Variants in BRD8 observed in about 807,000 individuals in gnomAD.
The protein encoded by BRD8 is bromodomain containing 8.
A neutral mutation model predicts 143.1 loss-of-function variants in BRD8; 67 were observed. The observed-to-expected ratio is 0.47, with a 90% CI of 0.38 to 0.57. The LOEUF is 0.57. Ranked by LOEUF, BRD8 falls within the 20% of genes least tolerant of loss-of-function variation. BRD8 has a pLI of 0.00. For missense variants in BRD8, 1,103 were observed against 1,503.0 expected, an observed-to-expected ratio of 0.73 and a Z score of 4.40; for synonymous variants, 505 against 517.1, an observed-to-expected ratio of 0.98 and a Z score of 0.32.
chr5:138,155,037 G>C (rs1300254801), intron 20 of BRD8, among the ~76,000 whole-genome samples: 2 of 151,876 alleles, frequency 1.3e-5, no homozygotes, highest in Non-Finnish European at 2.9e-5. Flanking sequence ...CACCATGTTG[G>C]CCAGGATGGT....
At chr5:138,150,390 G>A (rs1752332850) in intron 22 of BRD8, among the ~76,000 whole-genome samples, 2 of 152,202 alleles carry the variant, frequency 1.3e-5, no homozygotes, top group Non-Finnish European at 2.9e-5. Flanking sequence ...TTACAGGCAT[G>A]AGCCATTGCA....
At chr5:138,160,310 G>A (rs1167732288) in intron 18 of BRD8, 137 bp from the exon 19 acceptor site, 2 of 635,448 alleles carry the variant, frequency 3.1e-6, no homozygotes, top group Non-Finnish European at 5.5e-6. Flanking sequence ...TGGAAGTTTA[G>A]CATATTAAGT....
chr5:138,168,697 C>T, intron 8 of BRD8: 1 of 1,407,272 alleles, frequency 7.1e-7, no homozygotes, highest in Non-Finnish European at 1.0e-6. Flanking sequence ...ACCTAAGAGA[C>T]AACAGAGAAC....
intron 14 of BRD8, 32 bp from the exon 15 acceptor site, chr5:138,163,376 C>T (rs763528874): frequency 5.6e-6 from 9 of 1,604,126 alleles, no homozygotes; most frequent in African/African-American, 1.3e-5. Context: ...TTAACAAATG[C>T]AAGCAAAGCT....
At chr5:138,175,166 G>A (rs990274042) in intron 2 of BRD8, among the ~76,000 whole-genome samples, 4 of 152,188 alleles carry the variant, frequency 2.6e-5, no homozygotes, top group Admixed American at 6.5e-5. Flanking sequence ...TTACAGGCGT[G>A]AGCCACTGCG....
intron 25 of BRD8, among the ~76,000 whole-genome samples, chr5:138,144,251 C>T (rs1441655696): frequency 6.6e-6 from 1 of 152,158 alleles, no homozygotes; most frequent in East Asian, 1.9e-4. Context: ...CTGTAACACT[C>T]GCTGTGAAGG....
In BRD8 at chr5:138,140,170, A is replaced by C; in HGVS notation, c.3616-4T>G. ...TGTCTAACCAGATATTCAGTACCTA[A>C]AGGGTTAAGGAACACATAGCAAGCT... On this transcript the variant is annotated splice_region_variant and splice_polypyrimidine_tract_variant and intron_variant, in intron 26 of 26. Coordinates refer to ENST00000254900, the MANE Select transcript of BRD8 (RefSeq NM_139199.2). 1 of 1,600,968 alleles carries C rather than the reference A, an allele frequency of 6.2e-7. No homozygotes were observed. The highest frequency in any genetic ancestry group is 1.1e-5 in the South Asian group (1 of 90,736).
At chr5:138,175,868 C>G (rs942106521) in intron 2 of BRD8, among the ~76,000 whole-genome samples, 1 of 135,236 alleles carries the variant, frequency 7.4e-6, no homozygotes, top group Admixed American at 8.0e-5. Context: ...GAACCACGAT[C>G]GCACTACTGC....
intron 2 of BRD8, 63 bp downstream of exon 2, chr5:138,177,508 C>A: frequency 1.1e-6 from 1 of 937,742 alleles, no homozygotes. Flanking sequence ...AGAAATCTAC[C>A]GATGTGAAAG....
chr5:138,153,327 GT>G (rs5871666), intron 20 of BRD8, among the ~76,000 whole-genome samples: 1 of 151,942 alleles, frequency 6.6e-6, no homozygotes, highest in Non-Finnish European at 1.5e-5. Context: ...CACTATCTTG[GT>G]TTTTTTATAT....
intron 23 of BRD8, among the ~76,000 whole-genome samples, chr5:138,146,608 T>G (rs1752159528): frequency 6.6e-6 from 1 of 152,162 alleles, no homozygotes; most frequent in South Asian, 2.1e-4. Context: ...ATTTCATATT[T>G]AATCTAAATT....
rs567725388 is a variant in BRD8, at chr5:138,164,730, G to A, written c.1715C>T (p.Thr572Ile). The A allele has an allele frequency of 6.8e-6, 11 of 1,614,144 alleles. No individual in the cohort carries two copies. Among genetic ancestry groups the A allele is most frequent in the Admixed American group, 5.0e-5 (3 of 60,020 alleles). Reference protein sequence around the residue: ...AIGKGDETPLTNVKTEASPES... With the variant: ...AIGKGDETPLINVKTEASPES... ...CTTAAGTACCTCTGTCTTCACATTT[G>A]TAAGTGGAGTCTCATCGCCTTTCCC... Residue 572 changes from threonine to isoleucine, a missense_variant, in exon 12 of 27, where the codon ACA (threonine) becomes ATA (isoleucine). By Grantham distance (89) the Thr-to-Ile change is moderately conservative. Around this residue, in one of 7 missense-constraint regions of BRD8, gnomAD observed 139 missense variants for 139.0 expected, o/e 1.00. Transcript: ENST00000254900.
chr5:138,164,184 C>T, intron 13 of BRD8, 51 bp from the exon 14 acceptor site: 1 of 1,599,132 alleles, frequency 6.3e-7, no homozygotes, highest in Non-Finnish European at 8.6e-7. Context: ...TAGCCTTCCC[C>T]TTCCTATGGA....
At chr5:138,177,425 A>G in intron 2 of BRD8, 146 bp downstream of exon 2, 1 of 537,086 alleles carries the variant, frequency 1.9e-6, no homozygotes, top group Middle Eastern at 3.2e-4. Context: ...CCTGGGCAAC[A>G]GAAGGAGACT....
At chr5:138,168,617 G>A in intron 8 of BRD8, 1 of 1,605,410 alleles carries the variant, frequency 6.2e-7, no homozygotes, top group South Asian at 1.1e-5. Context: ...AGGGTGCAGA[G>A]CCTGGAGGAA....
chr5:138,172,996 C>G (rs1459166383), intron 2 of BRD8: 2 of 171,232 alleles, frequency 1.2e-5, no homozygotes, highest in Non-Finnish European at 2.6e-5. Context: ...CACTAGTAGA[C>G]GGGGGATAGT....
intron 23 of BRD8, among the ~76,000 whole-genome samples, chr5:138,146,301 A>G (rs895647978): frequency 6.8e-6 from 1 of 146,540 alleles, no homozygotes; most frequent in East Asian, 2.1e-4. Context: ...TAAGTGATCC[A>G]CCCGCCTCAG....
chr5:138,153,722 G>A (rs888891631), intron 20 of BRD8, among the ~76,000 whole-genome samples: 3 of 141,256 alleles, frequency 2.1e-5, no homozygotes, highest in African/African-American at 8.0e-5. Flanking sequence ...TGTTGCCCAG[G>A]CTGGAGCACA....
In BRD8 at chr5:138,164,837, T is replaced by G. The variant is rs781429462; in HGVS notation, c.1608A>C (p.Pro536=). Residue 536 remains proline (P), a synonymous_variant, in exon 12 of 27, where the codon CCA becomes CCC. Transcript: ENST00000254900. ...CTAAGTCCTGACTCCTGAGTTCTGG[T>G]GGCTCCATACTTGTGGCTGGAACAA... ...AGVVPATSME[P]PELRSQDLDE... 1 of 1,614,246 alleles carries G rather than the reference T, an allele frequency of 6.2e-7. No individual in the cohort carries two copies. Among genetic ancestry groups the G allele is most frequent in the African/African-American group, 1.3e-5 (1 of 75,064 alleles).
Sources: allele counts gnomAD v4.1 joint callset (sites outside exome capture counted in the v4.1 genomes callset), GRCh38; gene constraint gnomAD v4.1.1; regional missense constraint gnomAD v4.1.1; transcripts MANE v1.5; gene names NCBI Gene and HGNC (gene_info 2026-07-23, HGNC 2026-07-21).